The following ALDH1A1 variants were observed in gnomAD, a reference collection of about 807,000 sequenced individuals.
ALDH1A1 encodes the protein aldehyde dehydrogenase 1 family member A1.
ALDH1A1 carries 19 observed loss-of-function variants against 62.1 expected under a neutral mutation model. The observed-to-expected ratio is 0.31, with a 90% confidence interval of 0.21 to 0.45. The LOEUF is 0.45. ALDH1A1 is among the 20% of genes least tolerant of loss of function. The pLI is 1.00. For synonymous variants in ALDH1A1, 231 were observed against 215.9 expected (o/e 1.07, Z -0.61); for missense variants, 521 against 607.1 (o/e 0.86, Z 1.49).
chr9:72,918,830 G>C lies in ALDH1A1; in HGVS notation c.748-8C>G. ...TTTGATCAACTTGCCAACCTGAAAG[G>C]GAGCATTACAAAGGAGGAGGCTTAC... On this transcript the variant is annotated splice_polypyrimidine_tract_variant and splice_region_variant and intron_variant, in intron 7 of 12. Coordinates refer to ENST00000297785, the MANE Select transcript of ALDH1A1 (RefSeq NM_000689.5). The C allele has an allele frequency of 6.2e-7, 1 of 1,609,448 alleles. No individual in the cohort carries two copies. Among genetic ancestry groups the C allele is most frequent in the South Asian group, 1.1e-5 (1 of 90,964 alleles).
chr9:72,926,176 T>A (rs1390521748), intron 5 of ALDH1A1, among the ~76,000 whole-genome samples: 5 of 152,184 alleles, frequency 3.3e-5, no homozygotes, highest in Admixed American at 2.6e-4. Context: ...CTGATAATAG[T>A]CCTCTCTGCC....
At chr9:72,922,427 C>T (rs1477358978) in intron 7 of ALDH1A1, among the ~76,000 whole-genome samples, 1 of 152,094 alleles carries the variant, frequency 6.6e-6, no homozygotes, top group African/African-American at 2.4e-5. Context: ...CGAAGACAAA[C>T]TGATGCTGAA....
intron 12 of ALDH1A1, among the ~76,000 whole-genome samples, chr9:72,901,726 A>G (rs1157641490): frequency 1.3e-5 from 2 of 152,052 alleles, no homozygotes; most frequent in African/African-American, 2.4e-5. Flanking sequence ...AGAAGTAGTA[A>G]TATATGATCA....
intron 9 of ALDH1A1, among the ~76,000 whole-genome samples, chr9:72,916,163 A>G (rs1830060276): frequency 3.3e-5 from 5 of 152,114 alleles, no homozygotes; most frequent in Admixed American, 3.3e-4. Flanking sequence ...ATATCCCTAG[A>G]CATTGCCAAA....
chr9:72,927,134 T>C lies in ALDH1A1; in HGVS notation c.486A>G (p.Val162=), dbSNP rs957983809. The part of the protein sequence containing the change: ...FTYTRHEPIG[V]CGQIIPWNFP... The stretch of plus-strand genomic sequence containing the variant: ...AGCTTACAGGAATGATTTGGCCACA[T>C]ACACCAATAGGTTCATGTCTTGTAT... The change falls in exon 5 of 13, where the codon GTA becomes GTG. Residue 162 remains valine, a synonymous_variant. Coordinates refer to ENST00000297785, the MANE Select transcript of ALDH1A1 (RefSeq NM_000689.5). 2.5e-6 allele frequency: 4 copies of C among 1,608,012 alleles called. No homozygotes were observed. The highest frequency in any genetic ancestry group is 2.7e-5 in the African/African-American group (2 of 74,532).
At chr9:72,918,583 C>T (rs1830093326) in intron 8 of ALDH1A1, 137 bp downstream of exon 8, 1 of 559,474 alleles carries the variant, frequency 1.8e-6, no homozygotes, top group African/African-American at 2.0e-5. Context: ...TAATTTTGGA[C>T]TCTTTACACT....
chr9:72,926,110 A>G (rs1830201783), intron 5 of ALDH1A1, among the ~76,000 whole-genome samples: 1 of 152,206 alleles, frequency 6.6e-6, no homozygotes. Flanking sequence ...CTGACCAGCC[A>G]TGTGAACTCA....
intron 9 of ALDH1A1, among the ~76,000 whole-genome samples, chr9:72,914,418 T>C (rs1564626299): frequency 6.6e-6 from 1 of 152,162 alleles, no homozygotes; most frequent in Non-Finnish European, 1.5e-5. Flanking sequence ...CACTGCAGAA[T>C]TATTCTTCAA....
In ALDH1A1 at chr9:72,911,913, C is replaced by G. The variant is rs754950709; in HGVS notation, c.1200+45G>C. The G allele has an allele frequency of 3.6e-5, 58 of 1,608,730 alleles. 1 individual carries two copies. In the South Asian group the frequency reaches 6.2e-4, roughly 17 times the overall value. The stretch of plus-strand genomic sequence containing the variant: ...GACACTTTGTATACACACAAACAGA[C>G]AAAACATGGCAACAAAAAGAACAGA... On this transcript the variant is annotated intron_variant, in intron 10 of 12. Transcript: ENST00000297785.
intron 8 of ALDH1A1, 107 bp downstream of exon 8, chr9:72,918,613 C>CTT (rs3079046): frequency 1.7e-4 from 48 of 279,460 alleles, no homozygotes; most frequent in African/African-American, 7.2e-4. Flanking sequence ...GAAGCAAATG[C>CTT]TTTTTTTTTT....
At chr9:72,950,993 T>C (rs1830537716) in intron 1 of ALDH1A1, among the ~76,000 whole-genome samples, 1 of 151,866 alleles carries the variant, frequency 6.6e-6, no homozygotes, top group Admixed American at 6.6e-5. Flanking sequence ...ACTGGCGTCC[T>C]CCCAAGTGTG....
At chr9:72,911,875 G>C in intron 10 of ALDH1A1, 83 bp downstream of exon 10, 1 of 1,479,276 alleles carries the variant, frequency 6.8e-7, no homozygotes, top group Non-Finnish European at 9.4e-7. Context: ...CAAAGAGCTG[G>C]GAATTTTAAA....
At chr9:72,944,459 G>C (rs1830452265) in intron 1 of ALDH1A1, among the ~76,000 whole-genome samples, 1 of 151,986 alleles carries the variant, frequency 6.6e-6, no homozygotes, top group Non-Finnish European at 1.5e-5. Context: ...TTTATTCATA[G>C]GGCCTACCTC....
chr9:72,948,328 G>A (rs894632441), intron 1 of ALDH1A1, among the ~76,000 whole-genome samples: 9 of 151,872 alleles, frequency 5.9e-5, no homozygotes, highest in South Asian at 2.1e-4. Context: ...TCAGCTTTGC[G>A]TTGAACATAA....
chr9:72,909,451 C>T, intron 11 of ALDH1A1, 151 bp downstream of exon 11: 1 of 729,624 alleles, frequency 1.4e-6, no homozygotes. Flanking sequence ...AGCCACCGCA[C>T]CCAGCCTTTT....
rs111871471 is a variant in ALDH1A1 at position 72,903,311 on chromosome 9, C to T, written c.1434-2031G>A. Among the ~76,000 whole-genome samples, 1,161 of 152,104 alleles carry T rather than the reference C, an allele frequency of 7.6e-3. 10 individuals are homozygous for T. The highest frequency in any genetic ancestry group is 0.027 in the South Asian group (132 of 4,822). On this transcript the variant is annotated intron_variant, in intron 12 of 12. Coordinates refer to ENST00000297785, the MANE Select transcript of ALDH1A1 (RefSeq NM_000689.5). ...TCTGTCTTTTAACTAATCCCAGAGC[C>T]AACACTATGATCAGAGATGCAAAAT...
At chr9:72,937,753 G>C (rs530343501) in intron 2 of ALDH1A1, among the ~76,000 whole-genome samples, 4 of 152,270 alleles carry the variant, frequency 2.6e-5, no homozygotes, top group African/African-American at 9.6e-5. Flanking sequence ...AACAAAGGTT[G>C]AGTAATATTA....
Position 72,911,899 on chromosome 9 carries a change from T to A in ALDH1A1, c.1200+59A>T. ...GGGAATTTTAAAGTGACACTTTGTA[T>A]ACACACAAACAGACAAAACATGGCA... On this transcript the variant is annotated intron_variant, in intron 10 of 12. Transcript: ENST00000297785. 1.9e-6 allele frequency: 3 copies of A among 1,587,074 alleles called. No homozygotes were observed. The South Asian group carries it at 3.3e-5, about 18-fold the overall frequency.
intron 9 of ALDH1A1, among the ~76,000 whole-genome samples, chr9:72,915,985 A>C (rs190488119): frequency 3.3e-5 from 5 of 152,058 alleles, no homozygotes; most frequent in Admixed American, 6.6e-5. Flanking sequence ...TAATGTCTAG[A>C]CTCCAGAGCA....
Sources: allele counts gnomAD v4.1 joint callset (sites outside exome capture counted in the v4.1 genomes callset), GRCh38; gene constraint gnomAD v4.1.1; transcripts MANE v1.5; gene names NCBI Gene and HGNC (gene_info 2026-07-23, HGNC 2026-07-21).